The following THOC2 variants were observed in gnomAD, a reference collection of about 807,000 sequenced individuals.
THOC2 encodes THO complex 2.
In THOC2, 10 loss-of-function variants were observed where a neutral mutation model predicts 128.4. The observed-to-expected ratio is 0.08, with a 90% CI of 0.05 to 0.13. The LOEUF (loss-of-function observed/expected upper bound fraction) is 0.13. Ranked by LOEUF, THOC2 falls within the 10% of genes least tolerant of loss-of-function variation. The pLI, the probability that THOC2 is intolerant of heterozygous loss-of-function variation, is 1.00. For missense variants in THOC2, 535 were observed against 1,155.7 expected (o/e 0.46, Z 7.79); for synonymous variants, 393 against 396.9 (o/e 0.99, Z 0.12).
intron 12 of THOC2, among the ~76,000 whole-genome samples, chrX:123,651,884 G>C (rs1246419779): frequency 9.0e-6 from 1 of 111,011 alleles, no homozygotes; most frequent in Non-Finnish European, 1.9e-5. Flanking sequence ...AGAGGAGCTC[G>C]TACCATTCTT....
chrX:123,610,809 G>GA (rs2046673844), intron 38 of THOC2, 109 bp downstream of exon 38: 5 of 650,158 alleles, frequency 7.7e-6, no homozygotes, highest in Non-Finnish European at 9.2e-6. Context: ...ATATTTAGGT[G>GA]AAAAAAACAA....
chrX:123,674,954 G>A (rs1279844463), intron 8 of THOC2, among the ~76,000 whole-genome samples: 1 of 110,943 alleles, frequency 9.0e-6, no homozygotes, highest in Non-Finnish European at 1.9e-5. Flanking sequence ...AATATACCCA[G>A]GTAACAAACC....
At chrX:123,647,422 CAG>C (rs1437629204) in intron 12 of THOC2, among the ~76,000 whole-genome samples, 3 of 110,975 alleles carry the variant, frequency 2.7e-5, no homozygotes, top group East Asian at 2.8e-4. Flanking sequence ...GAGACAGAAA[CAG>C]GGAGGGAGAA....
intron 12 of THOC2, among the ~76,000 whole-genome samples, chrX:123,655,112 C>T (rs771773795): frequency 7.9e-4 from 88 of 111,907 alleles, no homozygotes; most frequent in Non-Finnish European, 1.2e-3. Flanking sequence ...TTTGAAAAGA[C>T]TGGAACCTGA....
chrX:123,631,995 A>G (rs1440525239), intron 21 of THOC2, 143 bp from the exon 22 acceptor site: 2 of 529,256 alleles, frequency 3.8e-6, no homozygotes, highest in Non-Finnish European at 5.7e-6. Context: ...CCACATGACC[A>G]TATTACAAAA....
At chrX:123,662,077 C>T (rs1192174169) in intron 12 of THOC2, among the ~76,000 whole-genome samples, 4 of 112,085 alleles carry the variant, frequency 3.6e-5, no homozygotes, top group Admixed American at 1.9e-4. Flanking sequence ...ACACAATAGC[C>T]GTTAGTATTT....
chrX:123,613,372 T>C (rs758591580), intron 36 of THOC2, 27 bp downstream of exon 36: 2 of 1,174,062 alleles, frequency 1.7e-6, no homozygotes, highest in Non-Finnish European at 2.3e-6. Flanking sequence ...AGATAAAGCA[T>C]ATTATTCCTT....
chrX:123,713,991 G>A, intron 1 of THOC2, among the ~76,000 whole-genome samples: 1 of 111,577 alleles, frequency 9.0e-6, no homozygotes, highest in South Asian at 3.7e-4. Context: ...TATATTAAGA[G>A]ATACCATAGG....
At chrX:123,625,687 T>G (rs770684956) in intron 25 of THOC2, among the ~76,000 whole-genome samples, 1 of 111,252 alleles carries the variant, frequency 9.0e-6, no homozygotes, top group African/African-American at 3.3e-5. Context: ...CACAACAATC[T>G]TATGAAGCAG....
chrX:123,651,981 G>A (rs1349218435), intron 12 of THOC2, among the ~76,000 whole-genome samples: 1 of 110,146 alleles, frequency 9.1e-6, no homozygotes, highest in Non-Finnish European at 1.9e-5. Context: ...CTAAAACCTG[G>A]CAGACACACA....
chrX:123,714,387 CA>C (rs1463721947), intron 1 of THOC2, among the ~76,000 whole-genome samples: 1 of 112,021 alleles, frequency 8.9e-6, no homozygotes, highest in East Asian at 2.8e-4. Context: ...CAAGAGAGAA[CA>C]GGGGTGGCTA....
intron 22 of THOC2, among the ~76,000 whole-genome samples, chrX:123,628,763 T>G (rs187059718): frequency 9.2e-6 from 1 of 109,256 alleles, no homozygotes; most frequent in African/African-American, 3.3e-5. Flanking sequence ...AGAAAAGTTA[T>G]GAGAAATTTG....
chrX:123,624,775 G>T (rs2047200382), intron 25 of THOC2, 106 bp from the exon 26 acceptor site: 9 of 762,112 alleles, frequency 1.2e-5, no homozygotes, highest in Non-Finnish European at 9.3e-6. Context: ...GGTAAGCCTA[G>T]TCAAAATGTA....
chrX:123,710,490 G>C (rs2051134400), intron 2 of THOC2, among the ~76,000 whole-genome samples: 1 of 111,661 alleles, frequency 9.0e-6, no homozygotes, highest in Admixed American at 9.5e-5. Flanking sequence ...GAGTCTTTTT[G>C]TACATTCTTA....
intron 38 of THOC2, 67 bp downstream of exon 38, chrX:123,610,851 T>C: frequency 1.0e-6 from 1 of 999,250 alleles, no homozygotes. Flanking sequence ...CATCTAGTTT[T>C]TCAACATTAT....
intron 12 of THOC2, among the ~76,000 whole-genome samples, chrX:123,657,960 CGTGTGTGTGT>C (rs60969537): frequency 0.021 from 2,000 of 94,700 alleles, 20 homozygotes; most frequent in Middle Eastern, 0.052. Context: ...TACGCATATG[CGTGTGTGTGT>C]GTGTGTGTGT....
At position 123,601,161 on chromosome X, in the gene THOC2, C is replaced by T. The variant is rs2046259136; in HGVS notation, c.*196G>A. The T allele has an allele frequency of 8.9e-6, 1 of 112,278 alleles. No homozygotes were observed. Among genetic ancestry groups the T allele is most frequent in the Non-Finnish European group, 1.9e-5 (1 of 53,203 alleles). 9.3% of individuals were successfully genotyped at this position (112,278 alleles called of 1,213,427 possible). A position where few individuals can be genotyped will look rare whatever the true frequency, so the allele number is the denominator to read the frequency against. ...AAATAAACATGTAGAAACTAAGCAA[C>T]AAGTTAAAATACAGTAATGCACAAC... On this transcript the variant is annotated 3_prime_UTR_variant, in exon 39 of 39. Transcript: ENST00000245838.
intron 25 of THOC2, among the ~76,000 whole-genome samples, chrX:123,625,054 T>A (rs1055919508): frequency 9.0e-6 from 1 of 111,429 alleles, no homozygotes; most frequent in Non-Finnish European, 1.9e-5. Context: ...ATTAAAAATA[T>A]GCAGCTGACA....
chrX:123,701,852 G>A (rs939181206), intron 4 of THOC2, among the ~76,000 whole-genome samples: 1 of 111,033 alleles, frequency 9.0e-6, no homozygotes, highest in African/African-American at 3.3e-5. Context: ...TTAATAATTA[G>A]CCAGTGAAAA....
Sources: allele counts gnomAD v4.1 joint callset (sites outside exome capture counted in the v4.1 genomes callset), GRCh38; gene constraint gnomAD v4.1.1; transcripts MANE v1.5; gene names NCBI Gene and HGNC (gene_info 2026-07-23, HGNC 2026-07-21).